APBB1IP: variants seen among roughly 807,000 people sequenced by gnomAD.
APBB1IP encodes the protein amyloid beta A4 precursor protein-binding family B member 1-interacting protein.
APBB1IP carries 27 observed loss-of-function variants against 64.9 expected under a neutral mutation model. The observed-to-expected ratio is 0.42, with a 90% CI of 0.31 to 0.57. The LOEUF (loss-of-function observed/expected upper bound fraction) is 0.57, where lower values mean the gene tolerates loss of function less well. APBB1IP is among the 20% of genes least tolerant of loss of function. The probability of loss-of-function intolerance (pLI) is 0.20; values close to 1 mark genes in which losing one functional copy is unlikely to be tolerated. For missense variants in APBB1IP, 812 were observed against 845.5 expected (o/e 0.96, Z 0.49); for synonymous variants, 392 against 331.0 (o/e 1.18, Z -2.00).
chr10:26,531,824 T>C (rs114435380), intron 8 of APBB1IP, among the ~76,000 whole-genome samples: 1,679 of 152,288 alleles, frequency 0.011, 43 homozygotes, highest in African/African-American at 0.039. Flanking sequence ...CACATGCCTA[T>C]AGTCCCAGCT....
intron 4 of APBB1IP, among the ~76,000 whole-genome samples, chr10:26,499,202 G>A (rs1170009729): frequency 6.6e-6 from 1 of 151,760 alleles, no homozygotes; most frequent in East Asian, 1.9e-4. Flanking sequence ...TGAGGTCGAG[G>A]CTACAGTGAG....
intron 2 of APBB1IP, among the ~76,000 whole-genome samples, chr10:26,441,161 C>G (rs1257195420): frequency 6.6e-6 from 1 of 152,188 alleles, no homozygotes; most frequent in Non-Finnish European, 1.5e-5. Context: ...TTTTATGTCA[C>G]TGCTGTCATC....
intron 2 of APBB1IP, among the ~76,000 whole-genome samples, chr10:26,488,113 C>T (rs1335872855): frequency 6.6e-6 from 1 of 152,146 alleles, no homozygotes; most frequent in Non-Finnish European, 1.5e-5. Context: ...CCATTAATTT[C>T]CCCTTATTAA....
chr10:26,516,542 T>TGAAAAAAAAAAAAAAAA (rs1336008039), intron 8 of APBB1IP, among the ~76,000 whole-genome samples: 1 of 3,424 alleles, frequency 2.9e-4, no homozygotes, highest in Non-Finnish European at 5.5e-4. Flanking sequence ...AGACTCCATC[T>TGAAAAAAAAAAAAAAAA]CAAAAAAAAA....
chr10:26,493,964 G>T (rs1163023669), intron 3 of APBB1IP, among the ~76,000 whole-genome samples: 3 of 152,088 alleles, frequency 2.0e-5, no homozygotes, highest in Non-Finnish European at 4.4e-5. Flanking sequence ...AGCCTCCCAA[G>T]TAGCAGGGAC....
intron 13 of APBB1IP, 123 bp downstream of exon 13, chr10:26,560,967 A>G: frequency 1.8e-6 from 1 of 562,994 alleles, no homozygotes; most frequent in South Asian, 4.7e-5. Context: ...TTCTCACCTG[A>G]TGATCAGGCT....
intron 9 of APBB1IP, among the ~76,000 whole-genome samples, chr10:26,535,401 G>A (rs539642943): frequency 1.9e-4 from 29 of 152,106 alleles, no homozygotes; most frequent in African/African-American, 4.8e-4. Context: ...TGACCTAGTC[G>A]CATCAGGGAG....
At chr10:26,529,921 G>A (rs554788824) in intron 8 of APBB1IP, among the ~76,000 whole-genome samples, 80 of 152,254 alleles carry the variant, frequency 5.3e-4, no homozygotes, top group Non-Finnish European at 9.6e-4. Context: ...GATTACAGGC[G>A]TGAGCCACCG....
chr10:26,564,965 G>A (rs1837021588), intron 14 of APBB1IP, among the ~76,000 whole-genome samples: 1 of 152,114 alleles, frequency 6.6e-6, no homozygotes, highest in Non-Finnish European at 1.5e-5. Context: ...CTCCCTAGAA[G>A]CCCACAGTCC....
At chr10:26,534,689 A>C (rs1009579054) in intron 9 of APBB1IP, among the ~76,000 whole-genome samples, 1 of 152,112 alleles carries the variant, frequency 6.6e-6, no homozygotes, top group Non-Finnish European at 1.5e-5. Flanking sequence ...GCCACCCCCC[A>C]GATGCTGAGC....
At chr10:26,479,759 T>C (rs1835814490) in intron 2 of APBB1IP, among the ~76,000 whole-genome samples, 1 of 152,230 alleles carries the variant, frequency 6.6e-6, no homozygotes, top group East Asian at 1.9e-4. Context: ...AAATACAATT[T>C]TCTGTATAGA....
At chr10:26,449,605 G>A (rs1835442663) in intron 2 of APBB1IP, among the ~76,000 whole-genome samples, 1 of 152,142 alleles carries the variant, frequency 6.6e-6, no homozygotes, top group Non-Finnish European at 1.5e-5. Flanking sequence ...TTTGTTTCAA[G>A]GGGATATCAT....
chr10:26,448,208 A>T (rs574766782), intron 2 of APBB1IP, among the ~76,000 whole-genome samples: 3 of 151,532 alleles, frequency 2.0e-5, no homozygotes, highest in African/African-American at 4.9e-5. Context: ...AGATTATTTC[A>T]TTTTTTTAAT....
At chr10:26,552,761 G>A (rs1246939516) in intron 11 of APBB1IP, among the ~76,000 whole-genome samples, 1 of 152,150 alleles carries the variant, frequency 6.6e-6, no homozygotes, top group Non-Finnish European at 1.5e-5. Context: ...CATCTCAGAG[G>A]AAGAAGGCTC....
chr10:26,516,563 T>TAAAAAAAAAAAAAAA (rs1198670517), intron 8 of APBB1IP, among the ~76,000 whole-genome samples: 147 of 53,158 alleles, frequency 2.8e-3, no homozygotes, highest in East Asian at 8.2e-3. Context: ...AAAAAAAAAG[T>TAAAAAAAAAAAAAAA]AAAGCGGAAA....
rs565048380 is a variant in APBB1IP, at chr10:26,478,910, A to T, written c.1-13417A>T. ...TTTTTCTACTTGGGGTGGGAGATGA[A>T]GTCTCCCTTTAAAAAAATACAAAAT... On this transcript the variant is annotated intron_variant, in intron 2 of 14. Transcript: ENST00000376236. Among the ~76,000 whole-genome samples the T allele has an allele frequency of 8.2e-4, 125 of 152,278 alleles. 1 individual carries two copies. Among genetic ancestry groups the T allele is most frequent in the African/African-American group, 2.9e-3 (120 of 41,560 alleles).
intron 2 of APBB1IP, among the ~76,000 whole-genome samples, chr10:26,466,439 T>C (rs1052517247): frequency 6.6e-6 from 1 of 152,184 alleles, no homozygotes; most frequent in East Asian, 1.9e-4. Context: ...AGTATGTTTC[T>C]TGAATATGAG....
chr10:26,541,829 A>G, intron 11 of APBB1IP, 137 bp downstream of exon 11: 1 of 587,822 alleles, frequency 1.7e-6, no homozygotes, highest in South Asian at 2.6e-5. Flanking sequence ...AATGAGGGAA[A>G]CATTTCTATC....
intron 2 of APBB1IP, among the ~76,000 whole-genome samples, chr10:26,448,563 G>A (rs1835427125): frequency 6.6e-6 from 1 of 152,170 alleles, no homozygotes; most frequent in Non-Finnish European, 1.5e-5. Flanking sequence ...AGGATATTAG[G>A]TGAATTCTAA....
Sources: gnomAD v4.1 joint callset for allele counts (sites outside exome capture counted in the v4.1 genomes callset) on GRCh38, gnomAD v4.1.1 for gene constraint, MANE v1.5 for transcripts, NCBI Gene and HGNC (gene_info 2026-07-23, HGNC 2026-07-21) for gene names.